Variants in TBC1D22A observed in about 807,000 individuals in gnomAD.
The protein encoded by TBC1D22A is TBC1 domain family member 22A.
Under a neutral mutation model 60.2 loss-of-function variants are expected in TBC1D22A, and 38 were observed. The observed-to-expected ratio is 0.63, with a 90% CI of 0.49 to 0.83. The LOEUF (loss-of-function observed/expected upper bound fraction) is 0.83, where lower values mean the gene tolerates loss of function less well. Among genes scored for constraint, TBC1D22A ranks in the 40% least tolerant of loss-of-function variants. The pLI, the probability that TBC1D22A is intolerant of heterozygous loss-of-function variation, is 0.00. For missense variants in TBC1D22A, 628 were observed against 701.0 expected (o/e 0.90, Z 1.18); for synonymous variants, 302 against 281.7 (o/e 1.07, Z -0.72).
intron 4 of TBC1D22A, among the ~76,000 whole-genome samples, chr22:46,814,487 A>G (rs562552235): frequency 1.3e-5 from 2 of 152,332 alleles, no homozygotes; most frequent in Non-Finnish European, 2.9e-5. Flanking sequence ...TCAGGAAGAA[A>G]GATAAAAACC....
intron 11 of TBC1D22A, among the ~76,000 whole-genome samples, chr22:47,056,408 A>T (rs901304107): frequency 1.4e-4 from 22 of 152,068 alleles, no homozygotes; most frequent in African/African-American, 5.3e-4. Flanking sequence ...TTCACCATGG[A>T]GCCCTGAGCG....
chr22:46,938,247 T>TG (rs2071775155), intron 8 of TBC1D22A, among the ~76,000 whole-genome samples: 1 of 152,222 alleles, frequency 6.6e-6, no homozygotes, highest in African/African-American at 2.4e-5. Context: ...GTACCTTTTC[T>TG]GTGTTTAGAT....
intron 8 of TBC1D22A, among the ~76,000 whole-genome samples, chr22:46,948,985 C>T (rs954928996): frequency 1.3e-5 from 2 of 152,204 alleles, no homozygotes; most frequent in African/African-American, 4.8e-5. Flanking sequence ...GTCTGCCTTT[C>T]GCTGAGGAGC....
At chr22:47,127,394 A>ATTTTTTT (rs11387235) in intron 12 of TBC1D22A, among the ~76,000 whole-genome samples, 5 of 122,514 alleles carry the variant, frequency 4.1e-5, no homozygotes, top group Non-Finnish European at 4.9e-5. Flanking sequence ...CGCCCAGCTG[A>ATTTTTTT]TTTTTTTTTT....
intron 12 of TBC1D22A, among the ~76,000 whole-genome samples, chr22:47,124,457 G>A (rs2066380923): frequency 6.6e-6 from 1 of 152,246 alleles, no homozygotes; most frequent in South Asian, 2.1e-4. Flanking sequence ...CATGTCCTGG[G>A]ACGCATTGGG....
intron 12 of TBC1D22A, among the ~76,000 whole-genome samples, chr22:47,147,344 G>T (rs1470377834): frequency 2.6e-5 from 4 of 152,230 alleles, no homozygotes; most frequent in Admixed American, 2.6e-4. Context: ...CCATTTCTGT[G>T]ACTCCTGTTA....
chr22:46,771,070 ATAAAT>A (rs952550009), intron 1 of TBC1D22A, among the ~76,000 whole-genome samples: 7 of 152,342 alleles, frequency 4.6e-5, no homozygotes, highest in Admixed American at 3.9e-4. Context: ...ACTTTGAAAA[ATAAAT>A]TGAATGTGAA....
intron 8 of TBC1D22A, among the ~76,000 whole-genome samples, chr22:46,944,545 CCCG>C (rs2072395436): frequency 1.3e-5 from 2 of 152,110 alleles, no homozygotes; most frequent in Non-Finnish European, 2.9e-5. Context: ...ACTACAGGCG[CCCG>C]CCACCATGCC....
At chr22:46,997,786 G>A (rs925570943) in intron 10 of TBC1D22A, 77 bp downstream of exon 10, 2 of 1,368,778 alleles carry the variant, frequency 1.5e-6, no homozygotes, top group African/African-American at 2.9e-5. Flanking sequence ...ACAGGGAGCT[G>A]TCCTCATCCG....
At chr22:47,139,139 G>C (rs941854215) in intron 12 of TBC1D22A, among the ~76,000 whole-genome samples, 1 of 152,226 alleles carries the variant, frequency 6.6e-6, no homozygotes, top group East Asian at 1.9e-4. Context: ...GAGCCTTTGC[G>C]GGAGGGTGAC....
At chr22:46,889,280 C>T (rs943291384) in intron 5 of TBC1D22A, among the ~76,000 whole-genome samples, 12 of 152,166 alleles carry the variant, frequency 7.9e-5, no homozygotes, top group East Asian at 1.9e-4. Flanking sequence ...GATGGCCCCA[C>T]GAAGAGATGT....
At chr22:46,878,758 T>C in intron 5 of TBC1D22A, 35 bp downstream of exon 5, 1 of 1,602,144 alleles carries the variant, frequency 6.2e-7, no homozygotes, top group Non-Finnish European at 8.5e-7. Context: ...AGCGCCTCCT[T>C]CCTGTGCACA....
intron 11 of TBC1D22A, among the ~76,000 whole-genome samples, chr22:47,075,276 G>T (rs1255817072): frequency 6.7e-6 from 1 of 150,204 alleles, no homozygotes. Flanking sequence ...TGGGGACATA[G>T]ATCCCTGCTT....
intron 8 of TBC1D22A, among the ~76,000 whole-genome samples, chr22:46,970,707 G>A (rs2074013166): frequency 6.6e-6 from 1 of 152,172 alleles, no homozygotes; most frequent in Admixed American, 6.5e-5. Context: ...TCTGTCATGG[G>A]TGTTGGCCAT....
chr22:47,129,333 T>G (rs2066600991), intron 12 of TBC1D22A, among the ~76,000 whole-genome samples: 2 of 152,164 alleles, frequency 1.3e-5, no homozygotes, highest in African/African-American at 4.8e-5. Context: ...AAAAATTAGC[T>G]GGGCGTGGTA....
intron 9 of TBC1D22A, among the ~76,000 whole-genome samples, chr22:46,996,595 C>T (rs2075129594): frequency 6.6e-6 from 1 of 152,258 alleles, no homozygotes; most frequent in Non-Finnish European, 1.5e-5. Flanking sequence ...TATTATTCTG[C>T]CTTCCACATT....
At chr22:46,982,140 T>C (rs1163195466) in intron 9 of TBC1D22A, among the ~76,000 whole-genome samples, 1 of 152,062 alleles carries the variant, frequency 6.6e-6, no homozygotes, top group African/African-American at 2.4e-5. Flanking sequence ...GGAAAGTCTG[T>C]CCTTGTGGCC....
chr22:46,825,811 T>G (rs1356700238), intron 4 of TBC1D22A, among the ~76,000 whole-genome samples: 2 of 152,056 alleles, frequency 1.3e-5, no homozygotes, highest in African/African-American at 2.4e-5. Context: ...TGCCCTCACA[T>G]ATTGCATATG....
At chr22:46,998,468 T>C (rs2075196344) in intron 10 of TBC1D22A, among the ~76,000 whole-genome samples, 1 of 152,238 alleles carries the variant, frequency 6.6e-6, no homozygotes, top group South Asian at 2.1e-4. Flanking sequence ...CATGCGCGCT[T>C]GGCAAATTAT....
Sources: gnomAD v4.1 joint callset for allele counts (sites outside exome capture counted in the v4.1 genomes callset) on GRCh38, gnomAD v4.1.1 for gene constraint, MANE v1.5 for transcripts, NCBI Gene and HGNC (gene_info 2026-07-23, HGNC 2026-07-21) for gene names.